Variants in STEAP3 observed in about 807,000 individuals in gnomAD.
The protein encoded by STEAP3 is metalloreductase STEAP3.
A neutral mutation model predicts 34.9 loss-of-function variants in STEAP3; 35 were observed. The ratio of observed to expected loss-of-function variants is 1.00; its 90% CI spans 0.76 to 1.33. The LOEUF is 1.33. Ranked by LOEUF, STEAP3 falls within the 40% of genes most tolerant of loss-of-function variation. STEAP3 has a pLI of 0.00. For missense variants in STEAP3, 652 were observed against 667.6 expected, an observed-to-expected ratio of 0.98 and a Z score of 0.26; for synonymous variants, 281 against 301.6, an observed-to-expected ratio of 0.93 and a Z score of 0.71.
At position 119,231,118 on chromosome 2, in the gene STEAP3, G is replaced by A. The variant is rs1676920820; in HGVS notation, c.22+84G>A. On this transcript the variant is annotated intron_variant, in intron 2 of 5. Transcript: ENST00000393110. Reference sequence around the variant, plus strand: ...CCAGCTCCCTCACCACCTGACCCCTGCCCTGCTGGAGGGTGCCCCTTGAAT... The same window carrying A: ...CCAGCTCCCTCACCACCTGACCCCTACCCTGCTGGAGGGTGCCCCTTGAAT... The A allele has an allele frequency of 2.5e-6, 4 of 1,583,088 alleles. No homozygotes were observed. In the South Asian group the frequency reaches 3.4e-5, roughly 13 times the overall value.
intron 1 of STEAP3, among the ~76,000 whole-genome samples, chr2:119,229,819 T>G (rs1573536627): frequency 6.7e-6 from 1 of 150,090 alleles, no homozygotes; most frequent in African/African-American, 2.5e-5. Context: ...GGGGGTGGAG[T>G]GGGCAGGGAC....
chr2:119,227,441 C>T (rs866935578), intron 1 of STEAP3, among the ~76,000 whole-genome samples: 7 of 152,248 alleles, frequency 4.6e-5, no homozygotes, highest in Middle Eastern at 3.4e-3. Flanking sequence ...GAGAATTGTT[C>T]GATACTCAAC....
chr2:119,264,814 G>C lies in STEAP3; in HGVS notation c.*1476G>C, dbSNP rs75621189. The C allele has an allele frequency of 0.13, 10,658 of 80,684 alleles. 447 individuals carry two copies. The highest frequency in any genetic ancestry group is 0.34 in the South Asian group (760 of 2,262). The allele number at this position is 80,684 out of a possible 1,614,324, so 5.0% of individuals were successfully genotyped here. ...ATGAGGCTGCCCCTGCCCCCCCCCC[G>C]CCAGGGAGGTTTCATGAGCTCATGT... On this transcript the variant is annotated 3_prime_UTR_variant, in exon 6 of 6. Transcript: ENST00000393110.
At chr2:119,226,857 T>C (rs112592495) in intron 1 of STEAP3, among the ~76,000 whole-genome samples, 1 of 152,178 alleles carries the variant, frequency 6.6e-6, no homozygotes, top group African/African-American at 2.4e-5. Context: ...CTGGAGACTC[T>C]TAGGAGGTCG....
chr2:119,257,477 A>G (rs985260251), intron 5 of STEAP3: 17 of 1,536,704 alleles, frequency 1.1e-5, no homozygotes, highest in African/African-American at 4.2e-5. Flanking sequence ...CTTCCAGTGC[A>G]GGAAACACAG....
chr2:119,241,728 A>C (rs1677252558), intron 2 of STEAP3, among the ~76,000 whole-genome samples: 1 of 152,184 alleles, frequency 6.6e-6, no homozygotes, highest in South Asian at 2.1e-4. Context: ...GCTCCCTGGA[A>C]GGGAGCAGAT....
chr2:119,245,374 C>T, intron 2 of STEAP3, 115 bp from the exon 3 acceptor site: 1 of 1,451,730 alleles, frequency 6.9e-7, no homozygotes, highest in Non-Finnish European at 9.3e-7. Flanking sequence ...ACTCGGTGAA[C>T]ACCTGCTGGG....
In STEAP3 at chr2:119,262,620, C is replaced by T. The variant is rs759960758; in HGVS notation, c.1216-437C>T. ...CTTGAACCCCTGGGCTCAAGCAGTC[C>T]ACCCACTTAGGCCTCCCAAAGTGTT... On this transcript the variant is annotated intron_variant, in intron 5 of 5. Coordinates refer to ENST00000393110, the MANE Select transcript of STEAP3 (RefSeq NM_182915.3). Among the ~76,000 whole-genome samples the T allele has an allele frequency of 5.9e-5, 9 of 152,166 alleles. 1 individual carries two copies. The highest frequency in any genetic ancestry group is 1.3e-4 in the Admixed American group (2 of 15,290).
intron 2 of STEAP3, among the ~76,000 whole-genome samples, chr2:119,234,124 A>C (rs1260476853): frequency 6.6e-6 from 1 of 152,208 alleles, no homozygotes; most frequent in Admixed American, 6.5e-5. Context: ...GCCGAGCTCC[A>C]TGGCAGACAT....
At chr2:119,240,730 G>A (rs1677224314) in intron 2 of STEAP3, among the ~76,000 whole-genome samples, 1 of 152,202 alleles carries the variant, frequency 6.6e-6, no homozygotes, top group Non-Finnish European at 1.5e-5. Flanking sequence ...CACAGCTTGG[G>A]AGGAGAGGCA....
In STEAP3 at chr2:119,249,107, T is replaced by C. The variant is rs180692825; in HGVS notation, c.1050+901T>C. 923 of 152,548 alleles carry C rather than the reference T, an allele frequency of 6.1e-3. 22 individuals carry two copies. Among genetic ancestry groups the C allele is most frequent in the Non-Finnish European group, 5.9e-3 (401 of 68,222 alleles). 9.4% of individuals were successfully genotyped at this position (152,548 alleles called of 1,614,324 possible). On this transcript the variant is annotated intron_variant, in intron 4 of 5. Coordinates refer to ENST00000393110, the MANE Select transcript of STEAP3 (RefSeq NM_182915.3). ...AAGAGAGAGTTGCCATCAGCTGAGA[T>C]GGGGAAGGCTGCAGGAGTGAGCATT... is the stretch of plus-strand genomic sequence containing the variant.
In STEAP3 at chr2:119,247,837, G is replaced by T. The variant is rs1390906387; in HGVS notation, c.681G>T (p.Leu227=). 6.2e-7 allele frequency: 1 copy of T among 1,613,170 alleles called. No homozygotes were observed. The highest frequency in any genetic ancestry group is 1.1e-5 in the South Asian group (1 of 91,092). ...RLLPAWKVPT[L]LALGLFVCFY... is the part of the protein sequence containing the mutation. ...TCCCGGCCTGGAAGGTGCCCACCCT[G>T]CTGGCCCTGGGGCTCTTCGTCTGCT... The change falls in exon 4 of 6, where the codon CTG becomes CTT. Residue 227 remains leucine, a synonymous_variant. Transcript: ENST00000393110.
chr2:119,231,157 G>A (rs1301853232), intron 2 of STEAP3, 123 bp downstream of exon 2: 25 of 1,300,642 alleles, frequency 1.9e-5, no homozygotes, highest in Middle Eastern at 2.0e-4. Flanking sequence ...CAGGAGGTCC[G>A]AGGAACTCGA....
chr2:119,229,404 C>T (rs1679146540), intron 1 of STEAP3, among the ~76,000 whole-genome samples: 1 of 152,184 alleles, frequency 6.6e-6, no homozygotes, highest in South Asian at 2.1e-4. Context: ...CCTCAGCTGA[C>T]CATAGAGCAC....
rs888339979 is a variant in STEAP3 at position 119,240,083 on chromosome 2, A to G, written c.23-5406A>G. Among the ~76,000 whole-genome samples the G allele has an allele frequency of 1.3e-5, 2 of 152,366 alleles. 1 individual carries two copies. Among genetic ancestry groups the G allele is most frequent in the Admixed American group, 1.3e-4 (2 of 15,314 alleles). On this transcript the variant is annotated intron_variant, in intron 2 of 5. Coordinates refer to ENST00000393110, the MANE Select transcript of STEAP3 (RefSeq NM_182915.3). ...CGTGATAGCATGCGCCTGTAGTCCC[A>G]GCTACTCAGACTCAGAAGTCTGAGA...
intron 1 of STEAP3, among the ~76,000 whole-genome samples, chr2:119,229,861 C>A (rs186962782): frequency 4.4e-5 from 6 of 137,854 alleles, no homozygotes; most frequent in African/African-American, 1.2e-4. Context: ...TCAGTCCCTG[C>A]CTACAGGCCT....
intron 2 of STEAP3, among the ~76,000 whole-genome samples, chr2:119,235,739 G>A (rs577705582): frequency 3.7e-4 from 56 of 152,354 alleles, no homozygotes; most frequent in African/African-American, 1.1e-3. Flanking sequence ...CCAGTGAGAC[G>A]TATTGCTCTG....
At chr2:119,227,104 C>G (rs1345783303) in intron 1 of STEAP3, among the ~76,000 whole-genome samples, 1 of 152,188 alleles carries the variant, frequency 6.6e-6, no homozygotes, top group Admixed American at 6.5e-5. Flanking sequence ...TCATCAACCA[C>G]CCCACAAACA....
chr2:119,258,424 G>GC (rs1360650445), intron 5 of STEAP3, among the ~76,000 whole-genome samples: 2 of 151,874 alleles, frequency 1.3e-5, no homozygotes, highest in Non-Finnish European at 2.9e-5. Flanking sequence ...ATTTTACCCA[G>GC]CCCCCCATTC....
Sources: allele counts gnomAD v4.1 joint callset (sites outside exome capture counted in the v4.1 genomes callset), GRCh38; gene constraint gnomAD v4.1.1; transcripts MANE v1.5; gene names NCBI Gene and HGNC (gene_info 2026-07-23, HGNC 2026-07-21).